Variants in ARB2A observed in about 807,000 individuals in gnomAD.
ARB2A encodes ARB2 cotranscriptional regulator A.
chr5:93,762,714 C>T, the ARB2A span, among the ~76,000 whole-genome samples: 1 of 152,174 alleles, frequency 6.6e-6, no homozygotes, highest in Non-Finnish European at 1.5e-5. Context: ...CACAAAGATA[C>T]TCCTGGAGAA....
At chr5:94,081,818 C>T in the ARB2A span, among the ~76,000 whole-genome samples, 1 of 152,000 alleles carries the variant, frequency 6.6e-6, no homozygotes, top group African/African-American at 2.4e-5. Flanking sequence ...GGTTCTCTCT[C>T]CAACTCTTTT....
At chr5:93,798,834 C>A in the ARB2A span, among the ~76,000 whole-genome samples, 2 of 152,114 alleles carry the variant, frequency 1.3e-5, no homozygotes, top group Non-Finnish European at 2.9e-5. Context: ...TATGTCCTAG[C>A]ACTTTCCTTC....
chr5:93,641,919 G>A, the ARB2A span, among the ~76,000 whole-genome samples: 1 of 152,196 alleles, frequency 6.6e-6, no homozygotes. Context: ...GATGTGGTAA[G>A]GACTTGTTCA....
At chr5:93,682,683 A>G in the ARB2A span, among the ~76,000 whole-genome samples, 1 of 152,182 alleles carries the variant, frequency 6.6e-6, no homozygotes, top group African/African-American at 2.4e-5. Context: ...GGCATTTTGG[A>G]CAACACATTC....
chr5:93,809,115 T>C, the ARB2A span, among the ~76,000 whole-genome samples: 1 of 152,050 alleles, frequency 6.6e-6, no homozygotes, highest in African/African-American at 2.4e-5. Context: ...GTGTATGGGA[T>C]ATTCCTTGGC....
the ARB2A span, among the ~76,000 whole-genome samples, chr5:93,971,001 CT>C: frequency 1.6e-4 from 23 of 147,358 alleles, no homozygotes; most frequent in African/African-American, 3.2e-4. Context: ...TAAACTTTCG[CT>C]TTTTTTTTTA....
the ARB2A span, among the ~76,000 whole-genome samples, chr5:93,945,229 G>A: frequency 3.3e-5 from 5 of 152,152 alleles, no homozygotes; most frequent in Non-Finnish European, 7.4e-5. Flanking sequence ...GATCACCTGA[G>A]GTCAGGAGTT....
the ARB2A span, among the ~76,000 whole-genome samples, chr5:94,095,479 A>C: frequency 2.0e-5 from 3 of 151,852 alleles, no homozygotes; most frequent in African/African-American, 4.8e-5. Flanking sequence ...CATGGCTCCT[A>C]TTTCCTTCTT....
chr5:93,723,021 C>T, the ARB2A span, among the ~76,000 whole-genome samples: 2 of 152,086 alleles, frequency 1.3e-5, no homozygotes, highest in East Asian at 3.9e-4. Context: ...GCAAATTAAA[C>T]CATAATCTTT....
At chr5:93,695,686 T>G in the ARB2A span, among the ~76,000 whole-genome samples, 1 of 152,172 alleles carries the variant, frequency 6.6e-6, no homozygotes, top group Non-Finnish European at 1.5e-5. Context: ...CATTACTGGG[T>G]ATATACCCAA....
At chr5:94,033,617 G>A in the ARB2A span, among the ~76,000 whole-genome samples, 1 of 152,222 alleles carries the variant, frequency 6.6e-6, no homozygotes, top group East Asian at 1.9e-4. Flanking sequence ...CAGAGACGGG[G>A]TTTCACCATG....
the ARB2A span, among the ~76,000 whole-genome samples, chr5:94,049,807 C>T: frequency 6.6e-6 from 1 of 151,990 alleles, no homozygotes; most frequent in Admixed American, 6.6e-5. Context: ...AGTAACAGAG[C>T]GAGACCCTGT....
At chr5:93,641,683 A>T in the ARB2A span, among the ~76,000 whole-genome samples, 5 of 152,218 alleles carry the variant, frequency 3.3e-5, no homozygotes, top group Non-Finnish European at 7.3e-5. Flanking sequence ...TTTACTAGAA[A>T]AAATACTTAA....
At chr5:93,640,165 G>T in the ARB2A span, among the ~76,000 whole-genome samples, 1 of 151,790 alleles carries the variant, frequency 6.6e-6, no homozygotes, top group Non-Finnish European at 1.5e-5. Context: ...TTTGCAATTG[G>T]CCAGGTGTGG....
the ARB2A span, among the ~76,000 whole-genome samples, chr5:94,070,865 A>G: frequency 1.4e-4 from 22 of 152,204 alleles, no homozygotes; most frequent in Admixed American, 5.9e-4. Context: ...TGACAATGAG[A>G]AAAAAAGTCA....
the ARB2A span, among the ~76,000 whole-genome samples, chr5:94,011,737 C>G: frequency 6.6e-6 from 1 of 151,664 alleles, no homozygotes; most frequent in East Asian, 1.9e-4. Flanking sequence ...ATGTGAGGCA[C>G]TGAATAAAAT....
the ARB2A span, among the ~76,000 whole-genome samples, chr5:93,631,747 G>A: frequency 1.0e-4 from 15 of 145,840 alleles, no homozygotes; most frequent in African/African-American, 3.8e-4. Context: ...GCTTAGCTGG[G>A]TACCTATGGC....
the ARB2A span, among the ~76,000 whole-genome samples, chr5:93,726,407 A>G: frequency 6.6e-6 from 1 of 151,952 alleles, no homozygotes; most frequent in African/African-American, 2.4e-5. Flanking sequence ...CTTTGGCTTC[A>G]GTGATAATTA....
chr5:93,951,246 G>A, the ARB2A span, among the ~76,000 whole-genome samples: 3 of 152,042 alleles, frequency 2.0e-5, no homozygotes, highest in East Asian at 5.8e-4. Flanking sequence ...TTTGTCCAAT[G>A]GATAGTTTGC....
Sources: allele counts gnomAD v4.1 joint callset (sites outside exome capture counted in the v4.1 genomes callset), GRCh38; gene constraint gnomAD v4.1.1; transcripts MANE v1.5; gene names NCBI Gene and HGNC (gene_info 2026-07-23, HGNC 2026-07-21).